CAMTA1: variants seen among roughly 807,000 people sequenced by gnomAD.
CAMTA1 encodes the protein calmodulin binding transcription activator 1.
CAMTA1 carries 27 observed loss-of-function variants against 170.9 expected under a neutral mutation model. That is an observed-to-expected ratio of 0.16 (90% CI 0.12 to 0.22). The LOEUF (loss-of-function observed/expected upper bound fraction) is 0.22, where lower values mean the gene tolerates loss of function less well. CAMTA1 is among the 10% of genes least tolerant of loss of function. CAMTA1 has a pLI of 1.00. For missense variants in CAMTA1, 1,619 were observed against 2,217.2 expected, an observed-to-expected ratio of 0.73 and a Z score of 5.42; for synonymous variants, 833 against 891.5, an observed-to-expected ratio of 0.93 and a Z score of 1.17.
Position 7,293,460 on chromosome 1 carries a change from A to G in CAMTA1, c.438+43834A>G, listed in dbSNP as rs1417689946. Among the ~76,000 whole-genome samples, 1 of 152,080 alleles carries G rather than the reference A, an allele frequency of 6.6e-6. No homozygotes were observed. The highest frequency in any genetic ancestry group is 1.5e-5 in the Non-Finnish European group (1 of 68,006). ...CACAATGAGCCGATTTATAGAGTACATGGGGTGTTGTGGGGCAGAGGCCCG... is the reference window on the plus strand; with the variant it reads ...CACAATGAGCCGATTTATAGAGTACGTGGGGTGTTGTGGGGCAGAGGCCCG... On this transcript the variant is annotated intron_variant, in intron 5 of 22. Coordinates refer to ENST00000303635, the MANE Select transcript of CAMTA1 (RefSeq NM_015215.4). This position sits in a 1 kb window ranked among gnomAD's most constrained non-coding sequence, Gnocchi z 4.1.
At chr1:7,766,289 T>C (rs983153303) in intron 22 of CAMTA1, among the ~76,000 whole-genome samples, 170 bp from the exon 23 acceptor site, 5 of 152,138 alleles carry the variant, frequency 3.3e-5, no homozygotes, top group Non-Finnish European at 5.9e-5. Context: ...ACGTCTTTCC[T>C]TTGAATATTT....
intron 4 of CAMTA1, among the ~76,000 whole-genome samples, chr1:7,219,875 A>C (rs1660430635): frequency 6.6e-6 from 1 of 152,158 alleles, no homozygotes; most frequent in South Asian, 2.1e-4. Context: ...ATCTCTACCA[A>C]AACAAAGAAA....
intron 1 of CAMTA1, among the ~76,000 whole-genome samples, chr1:6,818,712 C>T (rs1318368174): frequency 1.3e-5 from 2 of 152,248 alleles, no homozygotes; most frequent in East Asian, 3.9e-4. Flanking sequence ...GATCATGGCT[C>T]ACTGCAGCCT....
chr1:6,973,632 A>G (rs760526642), intron 3 of CAMTA1, among the ~76,000 whole-genome samples: 1 of 152,108 alleles, frequency 6.6e-6, no homozygotes, highest in Non-Finnish European at 1.5e-5. Context: ...CTTGTTTTGG[A>G]TAAATACTCA....
Position 7,509,425 on chromosome 1 carries a change from G to T in CAMTA1, c.510+41524G>T, listed in dbSNP as rs78979942. Among the ~76,000 whole-genome samples the T allele has an allele frequency of 2.3e-3, 347 of 152,292 alleles. 2 individuals are homozygous for T. The highest frequency in any genetic ancestry group is 0.018 in the East Asian group (94 of 5,174). On this transcript the variant is annotated intron_variant, in intron 6 of 22. Coordinates refer to ENST00000303635, the MANE Select transcript of CAMTA1 (RefSeq NM_015215.4). Reference sequence around the variant, plus strand: ...ACAGAGAGAAAACACCGTGACACGGGTTTGATTTCTAAACTGTCGGACCCA... The same window carrying T: ...ACAGAGAGAAAACACCGTGACACGGTTTTGATTTCTAAACTGTCGGACCCA...
intron 5 of CAMTA1, among the ~76,000 whole-genome samples, chr1:7,339,495 G>GC (rs2083634941): frequency 6.6e-6 from 1 of 152,172 alleles, no homozygotes; most frequent in Non-Finnish European, 1.5e-5. Flanking sequence ...CTCCTTCTAA[G>GC]CCCTTCCTGC....
At chr1:7,269,871 G>A (rs1008823185) in intron 5 of CAMTA1, among the ~76,000 whole-genome samples, 1 of 152,016 alleles carries the variant, frequency 6.6e-6, no homozygotes, top group African/African-American at 2.4e-5. Flanking sequence ...CCTAGAAGCA[G>A]GAGAAATACA....
chr1:6,830,192 A>G (rs1391551425), intron 3 of CAMTA1, among the ~76,000 whole-genome samples: 1 of 151,506 alleles, frequency 6.6e-6, no homozygotes, highest in East Asian at 1.9e-4. Context: ...GCCCACCACC[A>G]TGCCGGGCTA....
intron 3 of CAMTA1, among the ~76,000 whole-genome samples, chr1:6,986,796 C>A (rs1356083831): frequency 6.6e-6 from 1 of 152,088 alleles, no homozygotes; most frequent in Non-Finnish European, 1.5e-5. Context: ...ATGCAGGGAG[C>A]AAACCTCCCA....
At chr1:6,980,658 C>G (rs928080192) in intron 3 of CAMTA1, among the ~76,000 whole-genome samples, 2 of 152,110 alleles carry the variant, frequency 1.3e-5, no homozygotes, top group East Asian at 3.9e-4. Context: ...GTGCTCTTCT[C>G]ATGATAGTGA....
chr1:7,052,113 T>G (rs1706486910), intron 3 of CAMTA1, among the ~76,000 whole-genome samples: 1 of 152,064 alleles, frequency 6.6e-6, no homozygotes, highest in Non-Finnish European at 1.5e-5. Context: ...CAGGGCCACT[T>G]CTAGTTCACT....
At chr1:7,637,337 A>G (rs1049832605) in intron 6 of CAMTA1, among the ~76,000 whole-genome samples, 1 of 152,230 alleles carries the variant, frequency 6.6e-6, no homozygotes, top group Non-Finnish European at 1.5e-5. Flanking sequence ...GATCAGAGGC[A>G]GCCCTGGGCG....
chr1:7,559,491 AT>A (rs1250091671), intron 6 of CAMTA1, among the ~76,000 whole-genome samples: 2 of 152,218 alleles, frequency 1.3e-5, no homozygotes, highest in Non-Finnish European at 2.9e-5. Context: ...ATAGTCTCAG[AT>A]TAAAGGATCA....
At chr1:6,907,392 C>T (rs997029990) in intron 3 of CAMTA1, among the ~76,000 whole-genome samples, 1 of 152,102 alleles carries the variant, frequency 6.6e-6, no homozygotes, top group Non-Finnish European at 1.5e-5. Flanking sequence ...CCCCGCTGTC[C>T]CGTGTTTCTA....
chr1:7,458,340 C>T (rs1179886094), intron 5 of CAMTA1, among the ~76,000 whole-genome samples: 1 of 152,178 alleles, frequency 6.6e-6, no homozygotes, highest in African/African-American at 2.4e-5. Context: ...GAATTGATGC[C>T]TCTGAGCTGC....
intron 7 of CAMTA1, among the ~76,000 whole-genome samples, chr1:7,659,826 G>A (rs1188406082): frequency 2.0e-5 from 3 of 152,114 alleles, no homozygotes; most frequent in African/African-American, 7.2e-5. Context: ...TTTTGGGTAT[G>A]CACAAAGTGC....
chr1:7,701,696 C>A (rs1049151643), intron 11 of CAMTA1, among the ~76,000 whole-genome samples: 1 of 152,108 alleles, frequency 6.6e-6, no homozygotes, highest in East Asian at 1.9e-4. Flanking sequence ...ACTGGGATTA[C>A]AGGTGTGAGC....
At chr1:7,438,416 T>A (rs2092415449) in intron 5 of CAMTA1, among the ~76,000 whole-genome samples, 1 of 152,134 alleles carries the variant, frequency 6.6e-6, no homozygotes. Flanking sequence ...AAGGGGAAGT[T>A]GTGACTTTGA....
chr1:7,729,388 T>C (rs1339937408), intron 11 of CAMTA1, among the ~76,000 whole-genome samples: 1 of 152,220 alleles, frequency 6.6e-6, no homozygotes, highest in African/African-American at 2.4e-5. Flanking sequence ...AGTGGTGGGA[T>C]TACAGGCGTG....
Sources: gnomAD v4.1 joint callset for allele counts (sites outside exome capture counted in the v4.1 genomes callset) on GRCh38, gnomAD v4.1.1 for gene constraint, Gnocchi (gnomAD v3.1) non-coding constraint, MANE v1.5 for transcripts, NCBI Gene and HGNC (gene_info 2026-07-23, HGNC 2026-07-21) for gene names.